The following FAM135B variants were observed in gnomAD, a reference collection of about 807,000 sequenced individuals.
The protein encoded by FAM135B is protein FAM135B.
In FAM135B, 43 loss-of-function variants were observed where a neutral mutation model predicts 127.7. The ratio of observed to expected loss-of-function variants is 0.34; its 90% CI spans 0.26 to 0.43. The LOEUF is 0.43. Among genes scored for constraint, FAM135B ranks in the 20% least tolerant of loss-of-function variants. The pLI, the probability that FAM135B is intolerant of heterozygous loss-of-function variation, is 1.00. For missense variants in FAM135B, 1,558 were observed against 1,725.6 expected (o/e 0.90, Z 1.72); for synonymous variants, 670 against 665.1 (o/e 1.01, Z -0.11).
At chr8:138,238,984 C>T (rs771484531) in intron 7 of FAM135B, among the ~76,000 whole-genome samples, 15 of 152,180 alleles carry the variant, frequency 9.9e-5, no homozygotes, top group Non-Finnish European at 1.9e-4. Context: ...TGGTCAAAGA[C>T]AGGGATGTCT....
intron 1 of FAM135B, among the ~76,000 whole-genome samples, chr8:138,419,235 A>G (rs1274908957): frequency 1.3e-5 from 2 of 152,188 alleles, no homozygotes; most frequent in East Asian, 3.9e-4. Flanking sequence ...CAGACTCTAA[A>G]CCAACAACAA....
chr8:138,143,131 G>C, intron 15 of FAM135B, 22 bp from the exon 16 acceptor site: 1 of 1,399,518 alleles, frequency 7.1e-7, no homozygotes, highest in Non-Finnish European at 1.0e-6. Flanking sequence ...GAGAGGAACA[G>C]GTGTTGGGTA....
intron 6 of FAM135B, among the ~76,000 whole-genome samples, chr8:138,250,221 C>T (rs1438874994): frequency 6.6e-6 from 1 of 151,966 alleles, no homozygotes; most frequent in Non-Finnish European, 1.5e-5. Context: ...GGCGTGGTGG[C>T]GGGTGCCTGT....
chr8:138,481,057 C>T (rs980371087), intron 1 of FAM135B, among the ~76,000 whole-genome samples: 35 of 152,210 alleles, frequency 2.3e-4, no homozygotes, highest in Non-Finnish European at 4.1e-4. Context: ...TCTGACTTCT[C>T]CCTACTCTCC....
At chr8:138,204,201 A>G (rs952348028) in intron 7 of FAM135B, among the ~76,000 whole-genome samples, 1 of 152,160 alleles carries the variant, frequency 6.6e-6, no homozygotes, top group Non-Finnish European at 1.5e-5. Context: ...GTTTTCCTCC[A>G]GAGCTTTAGT....
chr8:138,454,172 G>A (rs1332653299), intron 1 of FAM135B, among the ~76,000 whole-genome samples: 1 of 151,850 alleles, frequency 6.6e-6, no homozygotes, highest in African/African-American at 2.4e-5. Flanking sequence ...AAAAAAAAAA[G>A]TAATTTTGAA....
intron 1 of FAM135B, among the ~76,000 whole-genome samples, chr8:138,403,490 G>C (rs576216641): frequency 1.3e-5 from 2 of 152,274 alleles, no homozygotes; most frequent in Admixed American, 6.5e-5. Flanking sequence ...CTGCTGCTAT[G>C]AAATATAAAG....
At chr8:138,334,051 T>C (rs1713765983) in intron 2 of FAM135B, among the ~76,000 whole-genome samples, 1 of 152,154 alleles carries the variant, frequency 6.6e-6, no homozygotes, top group Admixed American at 6.6e-5. Flanking sequence ...GCCTCCCGAG[T>C]AGCTGGGATT....
At chr8:138,391,984 CTT>C (rs563748530) in intron 1 of FAM135B, among the ~76,000 whole-genome samples, 175 of 152,262 alleles carry the variant, frequency 1.1e-3, no homozygotes, top group African/African-American at 4.0e-3. Context: ...TCTCTCACCT[CTT>C]TGACCACAGG....
At chr8:138,223,690 C>A (rs1819198952) in intron 7 of FAM135B, among the ~76,000 whole-genome samples, 1 of 152,148 alleles carries the variant, frequency 6.6e-6, no homozygotes, top group Admixed American at 6.5e-5. Context: ...AGACACATAT[C>A]TTACTCAGAG....
intron 3 of FAM135B, chr8:138,309,131 G>C: frequency 2.6e-6 from 1 of 387,160 alleles, no homozygotes; most frequent in Non-Finnish European, 5.1e-6. Flanking sequence ...TAAAGTTCAA[G>C]CTGCTCATGT....
At chr8:138,137,094 A>T (rs932717496) in intron 19 of FAM135B, 53 bp downstream of exon 19, 1 of 920,504 alleles carries the variant, frequency 1.1e-6, no homozygotes, top group Non-Finnish European at 1.8e-6. Flanking sequence ...CCATGAATTT[A>T]CTTTTGCTTT....
Position 138,132,579 on chromosome 8 carries a change from C to T in FAM135B, c.*14G>A. On this transcript the variant is annotated 3_prime_UTR_variant, in exon 20 of 20. Coordinates refer to ENST00000395297, the MANE Select transcript of FAM135B (RefSeq NM_015912.4). This position sits in a 1 kb window ranked among gnomAD's most constrained non-coding sequence, Gnocchi z 4.5. ...GATCGTAAGCATTACCAAAGACCTG[C>T]TCCCTCAAAGCCACTACTTGAAGTA... The T allele has an allele frequency of 6.2e-7, 1 of 1,608,614 alleles. No homozygotes were observed. Among genetic ancestry groups the T allele is most frequent in the Non-Finnish European group, 8.5e-7 (1 of 1,175,042 alleles).
At chr8:138,392,753 A>G (rs534630411) in intron 1 of FAM135B, among the ~76,000 whole-genome samples, 230 of 152,252 alleles carry the variant, frequency 1.5e-3, no homozygotes, top group African/African-American at 5.4e-3. Context: ...ACATTAGTCC[A>G]GCAGGGTCCT....
chr8:138,333,054 T>A (rs565201343), intron 2 of FAM135B, among the ~76,000 whole-genome samples: 1 of 152,040 alleles, frequency 6.6e-6, no homozygotes, highest in Non-Finnish European at 1.5e-5. Context: ...TTAAAATATT[T>A]GGGAAAAAAA....
chr8:138,265,081 T>G (rs1822811663), intron 4 of FAM135B, among the ~76,000 whole-genome samples: 3 of 152,094 alleles, frequency 2.0e-5, no homozygotes, highest in South Asian at 4.1e-4. Flanking sequence ...TAAAGCGAGC[T>G]CCCCAAGGCC....
At chr8:138,490,501 C>T (rs1487360398) in intron 1 of FAM135B, among the ~76,000 whole-genome samples, 5 of 152,168 alleles carry the variant, frequency 3.3e-5, no homozygotes, top group African/African-American at 7.2e-5. Flanking sequence ...GACAGACAGA[C>T]GGGTGGATAA....
intron 1 of FAM135B, among the ~76,000 whole-genome samples, chr8:138,470,536 A>C (rs891994979): frequency 6.6e-6 from 1 of 152,174 alleles, no homozygotes; most frequent in Non-Finnish European, 1.5e-5. Flanking sequence ...GTCTGGAAAA[A>C]AGCTTTTACT....
chr8:138,325,875 G>A (rs992904265), intron 2 of FAM135B, among the ~76,000 whole-genome samples: 12 of 152,134 alleles, frequency 7.9e-5, no homozygotes, highest in African/African-American at 2.9e-4. Context: ...AGTTGATATA[G>A]AAATCAAAAT....
Sources: allele counts gnomAD v4.1 joint callset (sites outside exome capture counted in the v4.1 genomes callset), GRCh38; gene constraint gnomAD v4.1.1; non-coding constraint Gnocchi (gnomAD v3.1); transcripts MANE v1.5; gene names NCBI Gene and HGNC (gene_info 2026-07-23, HGNC 2026-07-21).